H2BC3: variants seen among roughly 807,000 people sequenced by gnomAD.
H2BC3 encodes H2B clustered histone 3, also known as histone H2B type 1-B.
Under a neutral mutation model 6.0 loss-of-function variants are expected in H2BC3, and 8 were observed. The observed-to-expected ratio is 1.33, with a 90% CI of 0.78 to 2.40. The LOEUF is 2.40. Among genes scored for constraint, H2BC3 ranks in the 30% most tolerant of loss-of-function variants. The pLI is 0.00. For synonymous variants in H2BC3, 122 were observed against 66.2 expected (o/e 1.84, Z -4.09); for missense variants, 222 against 163.2 (o/e 1.36, Z -1.96).
In H2BC3 at chr6:26,043,638, G is replaced by C. The variant is rs773165770; in HGVS notation, c.20C>G (p.Ser7Cys). 4 of 1,604,168 alleles carry C rather than the reference G, an allele frequency of 2.5e-6. No homozygotes were observed. Among genetic ancestry groups the C allele is most frequent in the East Asian group, 2.2e-5 (1 of 44,850 alleles). The change falls in exon 1 of 1, where the codon TCT (serine) becomes TGT (cysteine). Residue 7 changes from serine (S) to cysteine (C), a missense_variant. Coordinates refer to ENST00000615966, the MANE Select transcript of H2BC3 (RefSeq NM_021062.3). ...AGAACCCTTTTTAGGGGCTGGAGCA[G>C]ACTTAGAGGGTTCAGGCATTGCTAT... MPEPSK[S>C]APAPKKGSKK...
Position 26,043,257 on chromosome 6 carries a change from G to A in H2BC3, c.*20C>T. ...GGCTCTGAAAAGAGCCTTTGGGTTT[G>A]GAAGTGCTTACATAAGCACTTATTT... On this transcript the variant is annotated 3_prime_UTR_variant, in exon 1 of 1. Coordinates refer to ENST00000615966, the MANE Select transcript of H2BC3 (RefSeq NM_021062.3). 1 of 1,555,320 alleles carries A rather than the reference G, an allele frequency of 6.4e-7. No individual in the cohort carries two copies. Among genetic ancestry groups the A allele is most frequent in the Non-Finnish European group, 8.7e-7 (1 of 1,152,452 alleles).
Position 26,043,458 on chromosome 6 carries a change from A to G in H2BC3, c.200T>C (p.Val67Ala). 1 of 1,614,188 alleles carries G rather than the reference A, an allele frequency of 6.2e-7. No homozygotes were observed. Among genetic ancestry groups the G allele is most frequent in the Non-Finnish European group, 8.5e-7 (1 of 1,180,034 alleles). The change falls in exon 1 of 1, where the codon GTC becomes GCC. Residue 67 changes from valine (V) to alanine (A), a missense_variant. Physicochemically the swap from Val to Ala is moderately conservative, Grantham distance 64. Coordinates refer to ENST00000615966, the MANE Select transcript of H2BC3 (RefSeq NM_021062.3). ...CGCGATGCGCTCGAAGATGTCGTTG[A>G]CGAAGGAATTCATGATCCCCATGGC... Reference protein sequence around the residue: ...SKAMGIMNSFVNDIFERIAGE... With the variant: ...SKAMGIMNSFANDIFERIAGE...
rs1049647748 is a variant in H2BC3 at position 26,043,454 on chromosome 6, G to T, written c.204C>A (p.Asn68Lys). ...KAMGIMNSFV[N>K]DIFERIAGEA... is the part of the protein sequence containing the mutation. Reference sequence around the variant, plus strand: ...CGCCCGCGATGCGCTCGAAGATGTCGTTGACGAAGGAATTCATGATCCCCA... The same window carrying T: ...CGCCCGCGATGCGCTCGAAGATGTCTTTGACGAAGGAATTCATGATCCCCA... Residue 68 changes from asparagine to lysine, a missense_variant, in exon 1 of 1, where the codon AAC becomes AAA. Transcript: ENST00000615966. The T allele has an allele frequency of 1.2e-6, 2 of 1,614,052 alleles. No individual in the cohort carries two copies. Among genetic ancestry groups the T allele is most frequent in the African/African-American group, 1.3e-5 (1 of 74,932 alleles).
In H2BC3 at chr6:26,043,340, C is replaced by T. The variant is rs1274904642; in HGVS notation, c.318G>A (p.Glu106=). The change falls in exon 1 of 1, where the codon GAG becomes GAA. Residue 106 remains glutamate, a synonymous_variant. Coordinates refer to ENST00000615966, the MANE Select transcript of H2BC3 (RefSeq NM_021062.3). Reference sequence around the variant, plus strand: ...CCTCGGACACAGCATGCTTAGCCAGCTCCCCAGGCAGCAGCAGGCGCACAG... The same window carrying T: ...CCTCGGACACAGCATGCTTAGCCAGTTCCCCAGGCAGCAGCAGGCGCACAG... ...QTAVRLLLPG[E]LAKHAVSEGT... The T allele has an allele frequency of 1.2e-6, 2 of 1,614,022 alleles. No individual in the cohort carries two copies. The highest frequency in any genetic ancestry group is 1.7e-6 in the Non-Finnish European group (2 of 1,179,978).
chr6:26,043,581 T>C lies in H2BC3; in HGVS notation c.77A>G (p.Asp26Gly). ...KKAITKAQKKDGKKRKRSRKE... is the reference protein window; with the variant it reads ...KKAITKAQKKGGKKRKRSRKE... The stretch of plus-strand genomic sequence containing the variant: ...GCGGCTGCGCTTACGCTTCTTACCA[T>C]CCTTCTTCTGCGCCTTAGTGATAGC... Residue 26 changes from aspartate to glycine, a missense_variant, in exon 1 of 1, where the codon GAT becomes GGT. Physicochemically the swap from Asp to Gly is moderately conservative, Grantham distance 94. Coordinates refer to ENST00000615966, the MANE Select transcript of H2BC3 (RefSeq NM_021062.3). 2.5e-6 allele frequency: 4 copies of C among 1,614,198 alleles called. No individual in the cohort carries two copies. Among genetic ancestry groups the C allele is most frequent in the South Asian group, 1.1e-5 (1 of 91,086 alleles).
rs769875529 is a variant in H2BC3 at position 26,043,702 on chromosome 6, A to G, written c.-45T>C. 3.3e-5 allele frequency: 50 copies of G among 1,513,594 alleles called. No homozygotes were observed. The highest frequency in any genetic ancestry group is 6.8e-5 in the East Asian group (3 of 44,206). The allele number at this position is 1,513,594 out of a possible 1,614,324, so 93.8% of individuals were successfully genotyped here. On this transcript the variant is annotated 5_prime_UTR_variant, in exon 1 of 1. Transcript: ENST00000615966. ...AGAAAAGCTACTAACACTCTCCACT[A>G]CAGAGTAGTACAGAGAACAGTTCAG...
Position 26,043,336 on chromosome 6 carries a change from C to T in H2BC3, c.322G>A (p.Ala108Thr). 1 of 1,613,954 alleles carries T rather than the reference C, an allele frequency of 6.2e-7. No homozygotes were observed. The highest frequency in any genetic ancestry group is 8.5e-7 in the Non-Finnish European group (1 of 1,179,940). Residue 108 changes from alanine to threonine, a missense_variant, in exon 1 of 1, where the codon GCT becomes ACT. Ala to Thr is a moderately conservative substitution (Grantham distance 58, BLOSUM62 0). Transcript: ENST00000615966. ...GTGCCCTCGGACACAGCATGCTTAG[C>T]CAGCTCCCCAGGCAGCAGCAGGCGC... ...AVRLLLPGEL[A>T]KHAVSEGTKA...
In H2BC3 at chr6:26,043,417, G is replaced by A; in HGVS notation, c.241C>T (p.Leu81=). 6.2e-7 allele frequency: 1 copy of A among 1,614,208 alleles called. No individual in the cohort carries two copies. The highest frequency in any genetic ancestry group is 8.5e-7 in the Non-Finnish European group (1 of 1,180,044). Residue 81 remains leucine, a synonymous_variant, in exon 1 of 1, where the codon CTG becomes TTG. Transcript: ENST00000615966. ...FERIAGEASR[L]AHYNKRSTIT... ...GTCGAGCGCTTATTGTAGTGAGCCA[G>A]GCGAGAAGCCTCGCCCGCGATGCGC... is the stretch of plus-strand genomic sequence containing the variant.
chr6:26,043,646 G>C lies in H2BC3; in HGVS notation c.12C>G (p.Pro4=). MPE[P]SKSAPAPKKG... Reference sequence around the variant, plus strand: ...TTTTAGGGGCTGGAGCAGACTTAGAGGGTTCAGGCATTGCTATTCCTAAAC... The same window carrying C: ...TTTTAGGGGCTGGAGCAGACTTAGACGGTTCAGGCATTGCTATTCCTAAAC... The change falls in exon 1 of 1, where the codon CCC becomes CCG. Residue 4 remains proline (P), a synonymous_variant. Transcript: ENST00000615966. 6.2e-7 allele frequency: 1 copy of C among 1,600,936 alleles called. No homozygotes were observed. The highest frequency in any genetic ancestry group is 8.5e-7 in the Non-Finnish European group (1 of 1,174,142).
Position 26,043,511 on chromosome 6 carries a change from G to C in H2BC3, c.147C>G (p.Val49=). 6.2e-7 allele frequency: 1 copy of C among 1,614,194 alleles called. No homozygotes were observed. Reference sequence around the variant, plus strand: ...TGGATGAGATGCCGGTGTCGGGGTGGACCTGCTTCAGAACCTTGTACACAT... The same window carrying C: ...TGGATGAGATGCCGGTGTCGGGGTGCACCTGCTTCAGAACCTTGTACACAT... ...SIYVYKVLKQ[V]HPDTGISSKA... is the part of the protein sequence containing the mutation. The change falls in exon 1 of 1, where the codon GTC becomes GTG. Residue 49 remains valine, a synonymous_variant. Coordinates refer to ENST00000615966, the MANE Select transcript of H2BC3 (RefSeq NM_021062.3).
At position 26,043,368 on chromosome 6, in the gene H2BC3, G is replaced by A. The variant is rs756126649; in HGVS notation, c.290C>T (p.Thr97Met). The change falls in exon 1 of 1, where the codon ACG becomes ATG. Residue 97 changes from threonine to methionine, a missense_variant. Transcript: ENST00000615966. ...CCCAGGCAGCAGCAGGCGCACAGCC[G>A]TCTGAATCTCCCTGGAGGTGATGGT... ...RSTITSREIQ[T>M]AVRLLLPGEL... The A allele has an allele frequency of 6.2e-7, 1 of 1,614,156 alleles. No homozygotes were observed. Among genetic ancestry groups the A allele is most frequent in the Admixed American group, 1.7e-5 (1 of 60,028 alleles).
rs754556609 is a variant in H2BC3 at position 26,043,628 on chromosome 6, G to C, written c.30C>G (p.Ala10=). The C allele has an allele frequency of 1.9e-6, 3 of 1,610,308 alleles. No homozygotes were observed. Among genetic ancestry groups the C allele is most frequent in the African/African-American group, 1.3e-5 (1 of 74,664 alleles). ...TAGCCTTCTTAGAACCCTTTTTAGG[G>C]GCTGGAGCAGACTTAGAGGGTTCAG... The part of the protein sequence containing the change: MPEPSKSAP[A]PKKGSKKAIT... Residue 10 remains alanine, a synonymous_variant, in exon 1 of 1, where the codon GCC becomes GCG. Coordinates refer to ENST00000615966, the MANE Select transcript of H2BC3 (RefSeq NM_021062.3).
rs1376573197 is a variant in H2BC3, at chr6:26,043,246, C to T, written c.*31G>A. 1.9e-6 allele frequency: 3 copies of T among 1,539,714 alleles called. No homozygotes were observed. Among genetic ancestry groups the T allele is most frequent in the African/African-American group, 1.4e-5 (1 of 72,082 alleles). On this transcript the variant is annotated 3_prime_UTR_variant, in exon 1 of 1. Coordinates refer to ENST00000615966, the MANE Select transcript of H2BC3 (RefSeq NM_021062.3). ...ACAAAGTAGGTGGCTCTGAAAAGAG[C>T]CTTTGGGTTTGGAAGTGCTTACATA...
In H2BC3 at chr6:26,043,670, A is replaced by G. The variant is rs972551538; in HGVS notation, c.-13T>C. ...AGGGTTCAGGCATTGCTATTCCTAA[A>G]CAGAATAGAAAAGCTACTAACACTC... is the stretch of plus-strand genomic sequence containing the variant. On this transcript the variant is annotated 5_prime_UTR_variant, in exon 1 of 1. Coordinates refer to ENST00000615966, the MANE Select transcript of H2BC3 (RefSeq NM_021062.3). 9.6e-6 allele frequency: 15 copies of G among 1,570,244 alleles called. No homozygotes were observed. The highest frequency in any genetic ancestry group is 1.3e-5 in the Non-Finnish European group (15 of 1,161,482).
rs747681265 is a variant in H2BC3 at position 26,043,631 on chromosome 6, T to C, written c.27A>G (p.Pro9=). ...CCTTCTTAGAACCCTTTTTAGGGGC[T>C]GGAGCAGACTTAGAGGGTTCAGGCA... The part of the protein sequence containing the change: MPEPSKSA[P]APKKGSKKAI... The change falls in exon 1 of 1, where the codon CCA becomes CCG. Residue 9 remains proline (P), a synonymous_variant. Coordinates refer to ENST00000615966, the MANE Select transcript of H2BC3 (RefSeq NM_021062.3). 6.2e-6 allele frequency: 10 copies of C among 1,609,920 alleles called. No homozygotes were observed. Among genetic ancestry groups the C allele is most frequent in the East Asian group, 2.2e-5 (1 of 44,872 alleles).
chr6:26,043,605 G>A lies in H2BC3; in HGVS notation c.53C>T (p.Ala18Val), dbSNP rs200869185. Residue 18 changes from alanine to valine, a missense_variant, in exon 1 of 1, where the codon GCT (alanine) becomes GTT (valine). Transcript: ENST00000615966. Reference sequence around the variant, plus strand: ...ATCCTTCTTCTGCGCCTTAGTGATAGCCTTCTTAGAACCCTTTTTAGGGGC... The same window carrying A: ...ATCCTTCTTCTGCGCCTTAGTGATAACCTTCTTAGAACCCTTTTTAGGGGC... The part of the protein sequence containing the change: ...APAPKKGSKK[A>V]ITKAQKKDGK... The A allele has an allele frequency of 1.8e-5, 29 of 1,613,730 alleles. No individual in the cohort carries two copies. In the East Asian group the frequency reaches 2.9e-4, roughly 16 times the overall value.
At position 26,043,450 on chromosome 6, in the gene H2BC3, T is replaced by C. The variant is rs144272993; in HGVS notation, c.208A>G (p.Ile70Val). The change falls in exon 1 of 1, where the codon ATC (isoleucine) becomes GTC (valine). Residue 70 changes from isoleucine (I) to valine (V), a missense_variant. Coordinates refer to ENST00000615966, the MANE Select transcript of H2BC3 (RefSeq NM_021062.3). Reference protein sequence around the residue: ...MGIMNSFVNDIFERIAGEASR... With the variant: ...MGIMNSFVNDVFERIAGEASR... ...GCCTCGCCCGCGATGCGCTCGAAGA[T>C]GTCGTTGACGAAGGAATTCATGATC... 244 of 1,614,210 alleles carry C rather than the reference T, an allele frequency of 1.5e-4. No individual in the cohort carries two copies. Among genetic ancestry groups the C allele is most frequent in the Non-Finnish European group, 2.0e-4 (238 of 1,180,052 alleles).
rs1187654399 is a variant in H2BC3, at chr6:26,043,238, GAA to G, written c.*37_*38del. ...TCCTTGTGACAAAGTAGGTGGCTCTGAAAAGAGCCTTTGGGTTTGGAAGTGCT... is the reference window on the plus strand; with the variant it reads ...TCCTTGTGACAAAGTAGGTGGCTCTGAAGAGCCTTTGGGTTTGGAAGTGCT... On this transcript the variant is annotated 3_prime_UTR_variant, in exon 1 of 1. Transcript: ENST00000615966. The G allele has an allele frequency of 6.5e-7, 1 of 1,528,074 alleles. No homozygotes were observed. The allele number at this position is 1,528,074 out of a possible 1,614,324, so 94.7% of individuals were successfully genotyped here.
Position 26,043,388 on chromosome 6 carries a change from G to C in H2BC3, c.270C>G (p.Ile90Met). The change falls in exon 1 of 1, where the codon ATC (isoleucine) becomes ATG (methionine). Residue 90 changes from isoleucine to methionine, a missense_variant. Physicochemically the swap from Ile to Met is conservative, Grantham distance 10. Transcript: ENST00000615966. ...CAGCCGTCTGAATCTCCCTGGAGGT[G>C]ATGGTCGAGCGCTTATTGTAGTGAG... ...RLAHYNKRSTITSREIQTAVR... is the reference protein window; with the variant it reads ...RLAHYNKRSTMTSREIQTAVR... 1 of 1,614,202 alleles carries C rather than the reference G, an allele frequency of 6.2e-7. No homozygotes were observed.
Sources: gnomAD v4.1 joint callset for allele counts on GRCh38, gnomAD v4.1.1 for gene constraint, MANE v1.5 for transcripts, NCBI Gene and HGNC (gene_info 2026-07-23, HGNC 2026-07-21) for gene names.